Variants in RTN1 observed in about 807,000 individuals in gnomAD.
The protein encoded by RTN1 is reticulon 1.
RTN1 carries 25 observed loss-of-function variants against 65.5 expected under a neutral mutation model. That is an observed-to-expected ratio of 0.38 (90% CI 0.28 to 0.53). The LOEUF (loss-of-function observed/expected upper bound fraction) is 0.53, where lower values mean the gene tolerates loss of function less well. Among genes scored for constraint, RTN1 ranks in the 20% least tolerant of loss-of-function variants. RTN1 has a pLI of 0.79. For missense variants in RTN1, 983 were observed against 1,025.4 expected, an observed-to-expected ratio of 0.96 and a Z score of 0.57; for synonymous variants, 471 against 447.6, an observed-to-expected ratio of 1.05 and a Z score of -0.66.
chr14:59,765,949 G>A (rs937813399), intron 1 of RTN1, among the ~76,000 whole-genome samples: 2 of 152,204 alleles, frequency 1.3e-5, no homozygotes, highest in African/African-American at 2.4e-5. Context: ...AAAAAACTTG[G>A]CTGGGCATGG....
intron 1 of RTN1, among the ~76,000 whole-genome samples, chr14:59,869,699 G>C (rs534117287): frequency 6.6e-6 from 1 of 152,122 alleles, no homozygotes; most frequent in African/African-American, 2.4e-5. Flanking sequence ...AATGCTCCCT[G>C]CAAGGTGGGG....
intron 1 of RTN1, among the ~76,000 whole-genome samples, chr14:59,787,661 C>T (rs1886275564): frequency 6.6e-6 from 1 of 152,054 alleles, no homozygotes; most frequent in African/African-American, 2.4e-5. Context: ...GGACCTTGTG[C>T]CAAAAGTGGG....
rs562014360 is a variant in RTN1, at chr14:59,714,816, C to T, written c.1765+12103G>A. ...CCCCTGGCCGCAGACTGGTACTGGT[C>T]CGTGGTCTGTTAGGAACTGGGCCAC... On this transcript the variant is annotated intron_variant, in intron 3 of 8. Coordinates refer to ENST00000267484, the MANE Select transcript of RTN1 (RefSeq NM_021136.3). 2.0e-5 allele frequency among the ~76,000 whole-genome samples: 3 copies of T among 152,328 alleles called. No homozygotes were observed. The East Asian group carries it at 5.8e-4, about 29-fold the overall frequency.
intron 3 of RTN1, 39 bp from the exon 4 acceptor site, chr14:59,607,531 A>C (rs754221252): frequency 6.5e-7 from 1 of 1,542,900 alleles, no homozygotes; most frequent in South Asian, 1.2e-5. Flanking sequence ...GAGCTCCCGC[A>C]GTGCCGCCAC....
intron 1 of RTN1, among the ~76,000 whole-genome samples, chr14:59,750,310 T>TAC (rs1885455142): frequency 1.7e-5 from 1 of 59,756 alleles, no homozygotes; most frequent in Non-Finnish European, 2.8e-5. Context: ...ATATATAATA[T>TAC]ATAATATCTA....
At chr14:59,709,258 A>C (rs1014297300) in intron 3 of RTN1, among the ~76,000 whole-genome samples, 1 of 152,182 alleles carries the variant, frequency 6.6e-6, no homozygotes, top group African/African-American at 2.4e-5. Flanking sequence ...TAATTGTTAA[A>C]TTTTGTTTAT....
chr14:59,777,521 G>A (rs1002554016), intron 1 of RTN1, among the ~76,000 whole-genome samples: 4 of 152,020 alleles, frequency 2.6e-5, no homozygotes, highest in Admixed American at 6.6e-5. Context: ...TGACTTGGTG[G>A]CACTCCTTCC....
intron 1 of RTN1, among the ~76,000 whole-genome samples, chr14:59,751,445 C>T (rs1038578129): frequency 4.6e-5 from 7 of 151,970 alleles, no homozygotes; most frequent in Admixed American, 2.0e-4. Context: ...GAAATCAACC[C>T]GAGATAGATA....
intron 3 of RTN1, among the ~76,000 whole-genome samples, chr14:59,613,340 C>T (rs1205497501): frequency 2.0e-5 from 3 of 152,198 alleles, no homozygotes; most frequent in East Asian, 1.9e-4. Context: ...ACTCTGTCGC[C>T]CAGTCTGGAG....
chr14:59,777,391 A>G (rs1049309015), intron 1 of RTN1, among the ~76,000 whole-genome samples: 7 of 152,198 alleles, frequency 4.6e-5, no homozygotes, highest in Admixed American at 3.9e-4. Flanking sequence ...GAAATAGACC[A>G]GATTATATTT....
At chr14:59,681,870 A>C (rs867175069) in intron 3 of RTN1, among the ~76,000 whole-genome samples, 9 of 151,992 alleles carry the variant, frequency 5.9e-5, no homozygotes, top group African/African-American at 2.2e-4. Flanking sequence ...TACTTTCCAA[A>C]TCTCTCCCAA....
At chr14:59,639,805 T>A (rs532675915) in intron 3 of RTN1, among the ~76,000 whole-genome samples, 2 of 150,670 alleles carry the variant, frequency 1.3e-5, no homozygotes, top group African/African-American at 5.0e-5. Context: ...GATTTTTTTA[T>A]TTTTTTAATA....
At chr14:59,826,960 T>C (rs1257100607) in intron 1 of RTN1, among the ~76,000 whole-genome samples, 2 of 152,124 alleles carry the variant, frequency 1.3e-5, no homozygotes, top group Non-Finnish European at 2.9e-5. Context: ...AGAATGGGTA[T>C]CCAGGGAGGC....
chr14:59,680,584 C>T (rs1883725894), intron 3 of RTN1, among the ~76,000 whole-genome samples: 1 of 152,116 alleles, frequency 6.6e-6, no homozygotes, highest in Non-Finnish European at 1.5e-5. Flanking sequence ...CAGGCATTGC[C>T]ACATAAAGCT....
At chr14:59,862,835 C>T (rs958388374) in intron 1 of RTN1, among the ~76,000 whole-genome samples, 1 of 152,142 alleles carries the variant, frequency 6.6e-6, no homozygotes, top group African/African-American at 2.4e-5. Context: ...TTTTCCCAAA[C>T]GACAATTTTA....
intron 5 of RTN1, 179 bp from the exon 6 acceptor site, chr14:59,604,100 T>A: frequency 2.3e-6 from 1 of 434,516 alleles, no homozygotes; most frequent in East Asian, 3.7e-5. Flanking sequence ...TCCTTAGTTC[T>A]CTTGGAACTA....
chr14:59,753,142 A>G (rs1231959593), intron 1 of RTN1, among the ~76,000 whole-genome samples: 1 of 152,238 alleles, frequency 6.6e-6, no homozygotes, highest in Admixed American at 6.5e-5. Context: ...CTCTGAGAAC[A>G]GGGGCTTCTC....
chr14:59,724,728 A>G (rs1332454570), intron 3 of RTN1, among the ~76,000 whole-genome samples: 2 of 151,264 alleles, frequency 1.3e-5, no homozygotes, highest in East Asian at 1.9e-4. Context: ...GTCAGACGAA[A>G]AAAAAAAAAA....
intron 3 of RTN1, among the ~76,000 whole-genome samples, chr14:59,659,670 C>T (rs779079991): frequency 2.6e-5 from 4 of 152,202 alleles, no homozygotes; most frequent in Non-Finnish European, 5.9e-5. Context: ...AAATAAAATA[C>T]TTTACAGACA....
Sources: allele counts gnomAD v4.1 joint callset (sites outside exome capture counted in the v4.1 genomes callset), GRCh38; gene constraint gnomAD v4.1.1; transcripts MANE v1.5; gene names NCBI Gene and HGNC (gene_info 2026-07-23, HGNC 2026-07-21).